Variants in FBN2 observed in about 807,000 individuals in gnomAD.
The protein encoded by FBN2 is fibrillin-2.
A neutral mutation model predicts 355.6 loss-of-function variants in FBN2; 105 were observed. That is an observed-to-expected ratio of 0.30 (90% CI 0.25 to 0.35). The LOEUF (loss-of-function observed/expected upper bound fraction) is 0.35, where lower values mean the gene tolerates loss of function less well. FBN2 is among the 10% of genes least tolerant of loss of function. The probability of loss-of-function intolerance (pLI) is 1.00; values close to 1 mark genes in which losing one functional copy is unlikely to be tolerated. For synonymous variants in FBN2, 1,350 were observed against 1,301.2 expected (o/e 1.04, Z -0.81); for missense variants, 3,280 against 3,758.7 (o/e 0.87, Z 3.33).
intron 5 of FBN2, among the ~76,000 whole-genome samples, chr5:128,485,548 C>A (rs549155767): frequency 0.023 from 3,548 of 152,098 alleles, 137 homozygotes; most frequent in African/African-American, 0.082. Context: ...TGAATGAAAA[C>A]AGCAAGTTGC....
At chr5:128,431,432 A>G (rs1419583364) in intron 7 of FBN2, among the ~76,000 whole-genome samples, 1 of 152,116 alleles carries the variant, frequency 6.6e-6, no homozygotes, top group Non-Finnish European at 1.5e-5. Context: ...TCTACCCACA[A>G]ATTTCGTGCT....
At chr5:128,373,868 T>C (rs114211411) in intron 15 of FBN2, among the ~76,000 whole-genome samples, 1 of 152,154 alleles carries the variant, frequency 6.6e-6, no homozygotes, top group Non-Finnish European at 1.5e-5. Flanking sequence ...ATAAAATATA[T>C]ATTCTTGCTC....
At chr5:128,490,677 A>G (rs1346718986) in intron 5 of FBN2, among the ~76,000 whole-genome samples, 1 of 152,308 alleles carries the variant, frequency 6.6e-6, no homozygotes, top group Non-Finnish European at 1.5e-5. Flanking sequence ...TTAAAATTTA[A>G]TTTTAGAACA....
chr5:128,473,347 A>G (rs895549921), intron 5 of FBN2, among the ~76,000 whole-genome samples: 5 of 152,202 alleles, frequency 3.3e-5, no homozygotes, highest in Non-Finnish European at 5.9e-5. Flanking sequence ...ACAGCAACTC[A>G]TTGTCCCCAT....
In FBN2 at chr5:128,435,528, G is replaced by A. The variant is rs192702992; in HGVS notation, c.952+10953C>T. ...TATATGTTATGCATAAAAACCTTAA[G>A]CAGAAAAGACCATTATTATTCCTAT... On this transcript the variant is annotated intron_variant, in intron 7 of 64. Transcript: ENST00000262464. 3.9e-4 allele frequency among the ~76,000 whole-genome samples: 60 copies of A among 152,152 alleles called. No individual in the cohort carries two copies. In the South Asian group the frequency reaches 4.1e-3, roughly 11 times the overall value.
At chr5:128,443,070 A>G (rs1753965383) in intron 7 of FBN2, among the ~76,000 whole-genome samples, 1 of 152,224 alleles carries the variant, frequency 6.6e-6, no homozygotes, top group African/African-American at 2.4e-5. Flanking sequence ...AAGACATCAC[A>G]GTGAATGAGC....
Position 128,274,586 on chromosome 5 carries a change from C to T in FBN2, c.7692G>A (p.Gln2564=), listed in dbSNP as rs1765342804. Residue 2564 remains glutamine, a synonymous_variant, in exon 60 of 65, where the codon CAG becomes CAA. Transcript: ENST00000262464. ...TCTTACCGATACAAGCAGTGTGATGCTGTGTGAAACCAGGTGGACATTTAC... is the reference window on the plus strand; with the variant it reads ...TCTTACCGATACAAGCAGTGTGATGTTGTGTGAAACCAGGTGGACATTTAC... ...FTCKCPPGFT[Q]HHTACIDNNE... The T allele has an allele frequency of 1.2e-6, 2 of 1,605,042 alleles. No homozygotes were observed. The highest frequency in any genetic ancestry group is 1.7e-5 in the Admixed American group (1 of 59,992).
intron 7 of FBN2, among the ~76,000 whole-genome samples, chr5:128,416,192 A>C (rs906182942): frequency 2.6e-5 from 4 of 151,904 alleles, no homozygotes; most frequent in African/African-American, 9.7e-5. Context: ...CACCCAGCTA[A>C]TTTTGTATTT....
At chr5:128,528,019 G>C (rs1756608158) in intron 3 of FBN2, 52 bp from the exon 4 acceptor site, 1 of 1,152,992 alleles carries the variant, frequency 8.7e-7, no homozygotes, top group Non-Finnish European at 1.3e-6. Flanking sequence ...CAAAATTATA[G>C]TATATGTGAG....
chr5:128,379,715 C>G (rs1160012607), intron 11 of FBN2, among the ~76,000 whole-genome samples: 1 of 152,030 alleles, frequency 6.6e-6, no homozygotes, highest in East Asian at 1.9e-4. Context: ...AGAGAAATCA[C>G]GTGTGCCAGT....
At chr5:128,536,138 T>C (rs940776642) in intron 2 of FBN2, among the ~76,000 whole-genome samples, 86 of 152,348 alleles carry the variant, frequency 5.6e-4, no homozygotes, top group Admixed American at 5.4e-3. Context: ...TTTGTATTAA[T>C]AGACATAGAA....
intron 59 of FBN2, among the ~76,000 whole-genome samples, chr5:128,275,402 T>C (rs1157628674): frequency 6.6e-6 from 1 of 151,812 alleles, no homozygotes; most frequent in Non-Finnish European, 1.5e-5. Context: ...ACATAAACAA[T>C]GTTCAGTTCA....
At chr5:128,500,581 A>T (rs567575976) in intron 5 of FBN2, among the ~76,000 whole-genome samples, 6 of 151,638 alleles carry the variant, frequency 4.0e-5, no homozygotes, top group Non-Finnish European at 5.9e-5. Context: ...AGTAGCTGGG[A>T]CTACAGGCGC....
intron 11 of FBN2, among the ~76,000 whole-genome samples, chr5:128,390,330 T>C (rs1752479624): frequency 6.6e-6 from 1 of 152,148 alleles, no homozygotes. Context: ...CAGAGTGAGT[T>C]TGATTCAAAA....
At chr5:128,300,789 T>G (rs773049925) in intron 48 of FBN2, 28 bp downstream of exon 48, 1 of 1,612,072 alleles carries the variant, frequency 6.2e-7, no homozygotes, top group Non-Finnish European at 8.5e-7. Flanking sequence ...GAACTACTAG[T>G]GGGCCTCAGA....
chr5:128,415,844 C>A lies in FBN2; in HGVS notation c.953-7045G>T, dbSNP rs1041915274. Among the ~76,000 whole-genome samples the A allele has an allele frequency of 9.2e-5, 14 of 152,126 alleles. 1 individual carries two copies. Among genetic ancestry groups the A allele is most frequent in the Admixed American group, 5.9e-4 (9 of 15,268 alleles). On this transcript the variant is annotated intron_variant, in intron 7 of 64. Coordinates refer to ENST00000262464, the MANE Select transcript of FBN2 (RefSeq NM_001999.4). ...CAGTGTATAAGAGTTCCCTTTTCTC[C>A]ACATCCTTACCAGCATCTGCTATTT...
At chr5:128,361,691 T>C (rs1256463526) in intron 19 of FBN2, 32 bp downstream of exon 19, 2 of 1,613,496 alleles carry the variant, frequency 1.2e-6, no homozygotes, top group African/African-American at 1.3e-5. Flanking sequence ...GTACTCACTA[T>C]GCACAAATAA....
intron 48 of FBN2, among the ~76,000 whole-genome samples, chr5:128,294,666 C>T (rs1362142415): frequency 6.1e-5 from 9 of 148,074 alleles, no homozygotes; most frequent in Admixed American, 1.3e-4. Flanking sequence ...ATGTCCTTTG[C>T]CCACTTTTTG....
chr5:128,512,230 G>A (rs578160754), intron 5 of FBN2, among the ~76,000 whole-genome samples: 1 of 152,244 alleles, frequency 6.6e-6, no homozygotes, highest in East Asian at 1.9e-4. Context: ...CAGCATATCA[G>A]GCCAGGCGCA....
Sources: allele counts gnomAD v4.1 joint callset (sites outside exome capture counted in the v4.1 genomes callset), GRCh38; gene constraint gnomAD v4.1.1; transcripts MANE v1.5; gene names NCBI Gene and HGNC (gene_info 2026-07-23, HGNC 2026-07-21).